Variants in DIP2C observed in about 807,000 individuals in gnomAD.
DIP2C encodes the protein disco-interacting protein 2 homolog C.
A neutral mutation model predicts 192.4 loss-of-function variants in DIP2C; 33 were observed. That is an observed-to-expected ratio of 0.17 (90% confidence interval 0.13 to 0.23). The LOEUF is 0.23. Ranked by LOEUF, DIP2C falls within the 10% of genes least tolerant of loss-of-function variation. The pLI is 1.00. For missense variants in DIP2C, 1,537 were observed against 2,110.1 expected, an observed-to-expected ratio of 0.73 and a Z score of 5.32; for synonymous variants, 979 against 864.1, an observed-to-expected ratio of 1.13 and a Z score of -2.33.
intron 32 of DIP2C, among the ~76,000 whole-genome samples, chr10:290,480 G>A (rs1166658105): frequency 1.3e-5 from 2 of 152,222 alleles, no homozygotes; most frequent in African/African-American, 4.8e-5. Context: ...AGCCAGAGGT[G>A]GCATGCACAT....
chr10:599,546 G>A (rs1009144933), intron 1 of DIP2C, among the ~76,000 whole-genome samples: 115 of 152,260 alleles, frequency 7.6e-4, no homozygotes, highest in African/African-American at 2.5e-3. Flanking sequence ...TTCACTCGTG[G>A]GTCAGTGAAC....
chr10:448,238 C>T (rs1474711770), intron 3 of DIP2C, among the ~76,000 whole-genome samples: 3 of 132,258 alleles, frequency 2.3e-5, no homozygotes, highest in Admixed American at 1.4e-4. Context: ...ATCAGGATCA[C>T]ACACAGTGGG....
At chr10:516,244 C>T (rs562581228) in intron 1 of DIP2C, among the ~76,000 whole-genome samples, 2 of 124,752 alleles carry the variant, frequency 1.6e-5, no homozygotes, top group East Asian at 2.5e-4. Flanking sequence ...AATGTTCCCA[C>T]GTTTATAACC....
At position 357,957 on chromosome 10, in the gene DIP2C, T is replaced by C. The variant is rs568426676; in HGVS notation, c.2795-20A>G. The C allele has an allele frequency of 1.9e-6, 3 of 1,582,560 alleles. No individual in the cohort carries two copies. The highest frequency in any genetic ancestry group is 1.7e-5 in the Admixed American group (1 of 59,676). On this transcript the variant is annotated intron_variant, in intron 22 of 36. Transcript: ENST00000280886. ...CGATTTCTAGAAAGAAACAGAGACA[T>C]GGCCATGAGGAAACAAAAGAGAAAT...
chr10:277,025 CTTA>C lies in DIP2C; in HGVS notation c.*297_*299del, dbSNP rs1954555081. 6.4e-6 allele frequency: 2 copies of C among 313,750 alleles called. No individual in the cohort carries two copies. Among genetic ancestry groups the C allele is most frequent in the South Asian group, 6.2e-5 (1 of 16,216 alleles). The allele number at this position is 313,750 out of a possible 1,614,324, so 19.4% of individuals were successfully genotyped here. ...AAATACCACATTTACGAAGAAAGCA[CTTA>C]TTATCCAATAATTAAAAAAGAAAGA... On this transcript the variant is annotated 3_prime_UTR_variant, in exon 37 of 37. Transcript: ENST00000280886.
chr10:598,176 C>G (rs1381703026), intron 1 of DIP2C, among the ~76,000 whole-genome samples: 1 of 152,190 alleles, frequency 6.6e-6, no homozygotes. Context: ...GAGCAGCACT[C>G]ACTGGGGGAG....
chr10:462,393 C>T (rs1316117144), intron 3 of DIP2C, among the ~76,000 whole-genome samples: 1 of 152,290 alleles, frequency 6.6e-6, no homozygotes, highest in East Asian at 1.9e-4. Flanking sequence ...ATACTGTAAA[C>T]ATCTCTATGC....
At chr10:629,727 A>G (rs816565) in intron 1 of DIP2C, 132,455 of 152,330 alleles carry the variant, frequency 0.87, 58,738 homozygotes, top group South Asian at 0.97. Flanking sequence ...AGCCTTGATC[A>G]GGCCCAGCCT....
chr10:411,875 G>A (rs1223576205), intron 8 of DIP2C, among the ~76,000 whole-genome samples: 2 of 152,220 alleles, frequency 1.3e-5, no homozygotes, highest in East Asian at 1.9e-4. Context: ...CTGATAAGCT[G>A]TAATCTTAAA....
intron 31 of DIP2C, among the ~76,000 whole-genome samples, chr10:319,792 C>T (rs1259130829): frequency 6.6e-6 from 1 of 152,048 alleles, no homozygotes; most frequent in Non-Finnish European, 1.5e-5. Context: ...TAACAAATAG[C>T]TTTTACTTCT....
chr10:469,860 C>G (rs1414952432), intron 3 of DIP2C, among the ~76,000 whole-genome samples: 2 of 152,172 alleles, frequency 1.3e-5, no homozygotes, highest in African/African-American at 4.8e-5. Flanking sequence ...TGCCGTTCCC[C>G]AAATGTGTCA....
At chr10:530,361 C>T (rs1280688009) in intron 1 of DIP2C, among the ~76,000 whole-genome samples, 4 of 152,150 alleles carry the variant, frequency 2.6e-5, no homozygotes, top group Non-Finnish European at 4.4e-5. Flanking sequence ...ATGGAAGAAT[C>T]ACCTAATGCC....
intron 1 of DIP2C, among the ~76,000 whole-genome samples, chr10:606,711 G>A (rs1428764385): frequency 1.3e-5 from 2 of 152,252 alleles, no homozygotes; most frequent in Non-Finnish European, 2.9e-5. Flanking sequence ...TAAGCACTCT[G>A]CTGCCTCCTT....
intron 1 of DIP2C, among the ~76,000 whole-genome samples, chr10:523,550 T>C (rs1846862916): frequency 1.4e-5 from 2 of 147,210 alleles, no homozygotes; most frequent in East Asian, 2.1e-4. Flanking sequence ...GGAGTGAGGA[T>C]GCAGGGACTC....
At chr10:579,063 ATG>A (rs1232803215) in intron 1 of DIP2C, among the ~76,000 whole-genome samples, 1 of 152,096 alleles carries the variant, frequency 6.6e-6, no homozygotes, top group Non-Finnish European at 1.5e-5. Context: ...AGTGCACAAC[ATG>A]TGTATGTGCA....
At chr10:339,717 G>T (rs950760308) in intron 29 of DIP2C, among the ~76,000 whole-genome samples, 1 of 152,120 alleles carries the variant, frequency 6.6e-6, no homozygotes, top group African/African-American at 2.4e-5. Context: ...CAATGTTATG[G>T]CATTTTGGAT....
chr10:514,775 C>G (rs1001089369), intron 1 of DIP2C, among the ~76,000 whole-genome samples: 4 of 151,440 alleles, frequency 2.6e-5, no homozygotes, highest in African/African-American at 9.7e-5. Context: ...TTCACGTAAT[C>G]ACCACCCCCC....
chr10:337,049 G>GGTGTGTGTGTGTGTGTGT (rs148004134), intron 29 of DIP2C, among the ~76,000 whole-genome samples: 1,227 of 37,872 alleles, frequency 0.032, 280 homozygotes, highest in South Asian at 0.088. Flanking sequence ...GGCCTAGACT[G>GGTGTGTGTGTGTGTGTGT]GTGTGTGTGT....
chr10:467,501 T>C (rs945924521), intron 3 of DIP2C, among the ~76,000 whole-genome samples: 1 of 141,358 alleles, frequency 7.1e-6, no homozygotes, highest in African/African-American at 2.6e-5. Flanking sequence ...CTGCACAATG[T>C]GCACATGTAC....
Sources: allele counts gnomAD v4.1 joint callset (sites outside exome capture counted in the v4.1 genomes callset), GRCh38; gene constraint gnomAD v4.1.1; transcripts MANE v1.5; gene names NCBI Gene and HGNC (gene_info 2026-07-23, HGNC 2026-07-21).